SIAH1: variants seen among roughly 807,000 people sequenced by gnomAD.
SIAH1 encodes E3 ubiquitin-protein ligase SIAH1.
In SIAH1, 2 loss-of-function variants were observed where a neutral mutation model predicts 20.0. The ratio of observed to expected loss-of-function variants is 0.10; its 90% confidence interval spans 0.04 to 0.31. The LOEUF is 0.31. Among genes scored for constraint, SIAH1 ranks in the 10% least tolerant of loss-of-function variants. The probability of loss-of-function intolerance (pLI) is 1.00; values close to 1 mark genes in which losing one functional copy is unlikely to be tolerated. For missense variants in SIAH1, 119 were observed against 355.3 expected, an observed-to-expected ratio of 0.33 and a Z score of 5.35; for synonymous variants, 118 against 125.3, an observed-to-expected ratio of 0.94 and a Z score of 0.39.
At chr16:48,378,515 T>TA in intron 1 of SIAH1, among the ~76,000 whole-genome samples, 1 of 152,350 alleles carries the variant, frequency 6.6e-6, no homozygotes, top group South Asian at 2.1e-4. Context: ...GGGAGGTGGT[T>TA]ACAATAGCGT....
At chr16:48,382,488 T>C (rs2151055914) in intron 1 of SIAH1, among the ~76,000 whole-genome samples, 1 of 152,298 alleles carries the variant, frequency 6.6e-6, no homozygotes, top group African/African-American at 2.4e-5. Flanking sequence ...GGATATATAT[T>C]AAAAACACAA....
chr16:48,361,997 T>G lies in SIAH1; in HGVS notation c.432A>C (p.Val144=). The change falls in exon 2 of 2, where the codon GTA becomes GTC. Residue 144 remains valine (V), a synonymous_variant. Transcript: ENST00000394725. ...SCKWQGSLDA[V]MPHLMHQHKS... The stretch of plus-strand genomic sequence containing the variant: ...TATGCTGATGCATCAGATGGGGCAT[T>G]ACAGCATCCAGAGAGCCTTGCCATT... 6.2e-7 allele frequency: 1 copy of G among 1,614,198 alleles called. No homozygotes were observed. Among genetic ancestry groups the G allele is most frequent in the Non-Finnish European group, 8.5e-7 (1 of 1,180,026 alleles).
intron 1 of SIAH1, among the ~76,000 whole-genome samples, chr16:48,381,895 G>GT (rs1423672145): frequency 6.6e-6 from 1 of 152,144 alleles, no homozygotes; most frequent in African/African-American, 2.4e-5. Flanking sequence ...TTCCTCAATT[G>GT]TAACAAACGT....
upstream of SIAH1, chr16:48,387,044 G>A (rs1489537173): frequency 2.0e-5 from 3 of 152,200 alleles, no homozygotes; most frequent in African/African-American, 7.2e-5. Flanking sequence ...GCTGACAGTC[G>A]AGGACTTACC....
At chr16:48,385,109 C>G (rs901440032) in intron 1 of SIAH1, 95 bp downstream of exon 1, 1 of 164,582 alleles carries the variant, frequency 6.1e-6, no homozygotes, top group African/African-American at 2.4e-5. Context: ...CCGGCCGGGC[C>G]GCCCTTCCCG....
chr16:48,376,199 G>C (rs1215158722), intron 1 of SIAH1, among the ~76,000 whole-genome samples: 2 of 152,198 alleles, frequency 1.3e-5, no homozygotes, highest in African/African-American at 4.8e-5. Flanking sequence ...GTTTGGGGGT[G>C]AGGAGGGATT....
At chr16:48,366,164 G>A (rs1960833969) in intron 1 of SIAH1, among the ~76,000 whole-genome samples, 1 of 150,430 alleles carries the variant, frequency 6.6e-6, no homozygotes, top group Non-Finnish European at 1.5e-5. Flanking sequence ...TTTAAAATTA[G>A]GTGGAACCAC....
At chr16:48,372,751 T>A (rs1038798371) in intron 1 of SIAH1, among the ~76,000 whole-genome samples, 4 of 152,182 alleles carry the variant, frequency 2.6e-5, no homozygotes, top group Non-Finnish European at 5.9e-5. Flanking sequence ...TATGCTTAAC[T>A]CAAAAAGAAC....
chr16:48,382,449 A>G (rs988955875), intron 1 of SIAH1, among the ~76,000 whole-genome samples: 2 of 152,216 alleles, frequency 1.3e-5, no homozygotes, highest in African/African-American at 4.8e-5. Context: ...AGGTGAGTAA[A>G]CAAATACCTA....
At chr16:48,364,742 T>C (rs558373139) in intron 1 of SIAH1, 91 of 152,570 alleles carry the variant, frequency 6.0e-4, no homozygotes, top group African/African-American at 2.1e-3. Flanking sequence ...CCAGTTTACT[T>C]CAGTAAGCAG....
upstream of SIAH1, chr16:48,386,933 C>T (rs1008435218): frequency 1.3e-5 from 2 of 152,252 alleles, no homozygotes; most frequent in African/African-American, 4.8e-5. Context: ...TCTAAACACC[C>T]GGCTTTGCCA....
chr16:48,365,963 C>G, intron 1 of SIAH1: 1 of 1,152,498 alleles, frequency 8.7e-7, no homozygotes, highest in Non-Finnish European at 1.1e-6. Flanking sequence ...CTACTCCAAC[C>G]CGGGGCGCCA....
chr16:48,368,242 A>T (rs1208608738), intron 1 of SIAH1, among the ~76,000 whole-genome samples: 2 of 152,244 alleles, frequency 1.3e-5, no homozygotes, highest in Admixed American at 1.3e-4. Context: ...AGACCAATGA[A>T]TCAGTTACCT....
intron 1 of SIAH1, among the ~76,000 whole-genome samples, chr16:48,379,172 G>T (rs921774176): frequency 4.6e-5 from 7 of 151,952 alleles, no homozygotes; most frequent in African/African-American, 1.5e-4. Context: ...ATCCAGATCT[G>T]ACTCTTAAGG....
At chr16:48,373,661 T>C (rs376813242) in intron 1 of SIAH1, among the ~76,000 whole-genome samples, 94 of 152,330 alleles carry the variant, frequency 6.2e-4, no homozygotes, top group African/African-American at 2.1e-3. Flanking sequence ...CCACCTAATA[T>C]GTTCTGAGCA....
chr16:48,385,736 G>A (rs1597037987), upstream of SIAH1, among the ~76,000 whole-genome samples: 1 of 151,958 alleles, frequency 6.6e-6, no homozygotes, highest in East Asian at 1.9e-4. Context: ...CTTTGTTCCG[G>A]GGCCGCGTGA....
intron 1 of SIAH1, among the ~76,000 whole-genome samples, chr16:48,366,278 G>A (rs768621158): frequency 1.3e-5 from 2 of 152,144 alleles, no homozygotes; most frequent in Non-Finnish European, 1.5e-5. Flanking sequence ...CTGGCGCTAC[G>A]CTCCAGGTTT....
At chr16:48,383,229 A>G (rs1051835837) in intron 1 of SIAH1, among the ~76,000 whole-genome samples, 11 of 152,338 alleles carry the variant, frequency 7.2e-5, no homozygotes, top group African/African-American at 2.6e-4. Flanking sequence ...CAATAACGAA[A>G]AAAAAACTGT....
intron 1 of SIAH1, among the ~76,000 whole-genome samples, chr16:48,368,711 C>G (rs986284639): frequency 1.3e-5 from 2 of 151,940 alleles, no homozygotes; most frequent in African/African-American, 4.8e-5. Flanking sequence ...TGCATGCACT[C>G]CAGCCTGGGC....
Sources: allele counts gnomAD v4.1 joint callset (sites outside exome capture counted in the v4.1 genomes callset), GRCh38; gene constraint gnomAD v4.1.1; transcripts MANE v1.5; gene names NCBI Gene and HGNC (gene_info 2026-07-23, HGNC 2026-07-21).